Variants in RNASEH2B observed in about 807,000 individuals in gnomAD.
RNASEH2B encodes Aicardi-Goutieres syndrome 2 protein.
Under a neutral mutation model 45.0 loss-of-function variants are expected in RNASEH2B, and 36 were observed. The observed-to-expected ratio is 0.80, with a 90% CI of 0.61 to 1.06. The LOEUF is 1.06. Among genes scored for constraint, RNASEH2B ranks in the 50% least tolerant of loss-of-function variants. RNASEH2B has a pLI of 0.00. For synonymous variants in RNASEH2B, 119 were observed against 125.7 expected, an observed-to-expected ratio of 0.95 and a Z score of 0.35; for missense variants, 361 against 360.3, an observed-to-expected ratio of 1.00 and a Z score of -0.02.
At chr13:50,924,340 A>G (rs377722552) in intron 1 of RNASEH2B, among the ~76,000 whole-genome samples, 8 of 152,340 alleles carry the variant, frequency 5.3e-5, no homozygotes, top group African/African-American at 1.9e-4. Context: ...AAATAAATGA[A>G]TGGGAAAAGA....
At position 50,955,604 on chromosome 13, in the gene RNASEH2B, T is replaced by C. The variant is rs1377302691; in HGVS notation, c.823-754T>C. The C allele has an allele frequency of 3.3e-5, 5 of 152,260 alleles. No homozygotes were observed. In the East Asian group the frequency reaches 9.6e-4, roughly 29 times the overall value. The allele number at this position is 152,260 out of a possible 1,614,324, so 9.4% of individuals were successfully genotyped here. A position where few individuals can be genotyped will look rare whatever the true frequency, so the allele number is the denominator to read the frequency against. ...TATACTGTGCCTCTAAAAAATACTTTATCAATGACTTTGTCTTACAGTTCC... is the reference window on the plus strand; with the variant it reads ...TATACTGTGCCTCTAAAAAATACTTCATCAATGACTTTGTCTTACAGTTCC... On this transcript the variant is annotated intron_variant, in intron 10 of 10. Transcript: ENST00000336617.
At chr13:50,967,116 C>G (rs1172496913) in intron 9 of RNASEH2B, among the ~76,000 whole-genome samples, 5 of 152,124 alleles carry the variant, frequency 3.3e-5, no homozygotes, top group Admixed American at 2.6e-4. Flanking sequence ...TTCCCTCCAG[C>G]CGCTGGTGCT....
downstream of RNASEH2B, among the ~76,000 whole-genome samples, chr13:50,957,097 T>C (rs1404652501): frequency 6.6e-6 from 1 of 152,058 alleles, no homozygotes; most frequent in Non-Finnish European, 1.5e-5. Flanking sequence ...ACCTTTTTTT[T>C]TTTTCAACTT....
intron 10 of RNASEH2B, chr13:50,955,259 T>C (rs993697322): frequency 6.6e-6 from 1 of 152,232 alleles, no homozygotes; most frequent in African/African-American, 2.4e-5. Context: ...TTTAATGTTT[T>C]TTAGAACTGT....
chr13:50,929,706 G>A (rs1310386630), intron 3 of RNASEH2B, 124 bp downstream of exon 3: 1 of 703,580 alleles, frequency 1.4e-6, no homozygotes, highest in African/African-American at 1.8e-5. Flanking sequence ...GCCTTCCTTG[G>A]CATGAGAGCA....
intron 9 of RNASEH2B, 149 bp downstream of exon 9, chr13:50,949,654 C>CCTG: frequency 1.5e-6 from 1 of 677,324 alleles, no homozygotes; most frequent in Non-Finnish European, 2.5e-6. Context: ...TTGTACTGGG[C>CCTG]TCTCCATCAC....
chr13:50,962,449 A>G (rs575936177), intron 9 of RNASEH2B, among the ~76,000 whole-genome samples: 58 of 152,266 alleles, frequency 3.8e-4, no homozygotes, highest in African/African-American at 1.4e-3. Context: ...TATGTCTTTC[A>G]AGAAATGTAT....
At chr13:50,939,360 AG>A (rs1388631448) in intron 5 of RNASEH2B, among the ~76,000 whole-genome samples, 2 of 151,308 alleles carry the variant, frequency 1.3e-5, no homozygotes, top group Non-Finnish European at 2.9e-5. Flanking sequence ...CTGTTTCAAA[AG>A]AAAAAAAAAT....
intron 9 of RNASEH2B, among the ~76,000 whole-genome samples, chr13:50,966,792 G>A (rs184466115): frequency 6.6e-6 from 1 of 152,218 alleles, no homozygotes; most frequent in East Asian, 1.9e-4. Context: ...ACAAAGGCAA[G>A]CTCTAAGTGA....
chr13:50,944,016 G>GGGACGGGAC lies in RNASEH2B; in HGVS notation c.510+633_510+641dup, dbSNP rs1222453618. 3.3e-5 allele frequency among the ~76,000 whole-genome samples: 5 copies of GGGACGGGAC among 150,892 alleles called. No homozygotes were observed. The East Asian group carries it at 9.7e-4, about 29-fold the overall frequency. On this transcript the variant is annotated intron_variant, in intron 6 of 10. Coordinates refer to ENST00000336617, the MANE Select transcript of RNASEH2B (RefSeq NM_024570.4). ...GGGACGGGACAGGACGGGATGGGAT[G>GGGACGGGAC]GGACGGGACGGACGGGACGTGATGG...
intron 10 of RNASEH2B, 78 bp from the exon 11 acceptor site, chr13:50,956,280 G>A: frequency 8.5e-7 from 1 of 1,176,968 alleles, no homozygotes; most frequent in Non-Finnish European, 1.2e-6. Context: ...CTTGAGACAT[G>A]CAGTCTTCTT....
At chr13:50,932,942 C>T (rs910995349) in intron 4 of RNASEH2B, among the ~76,000 whole-genome samples, 1 of 152,216 alleles carries the variant, frequency 6.6e-6, no homozygotes, top group African/African-American at 2.4e-5. Context: ...CTCCGCCCTT[C>T]ACTGTGAATT....
At chr13:50,922,372 C>T (rs1463496877) in intron 1 of RNASEH2B, among the ~76,000 whole-genome samples, 1 of 152,102 alleles carries the variant, frequency 6.6e-6, no homozygotes, top group Non-Finnish European at 1.5e-5. Flanking sequence ...CTGAGAGGGC[C>T]TCAGTGTCTC....
intron 9 of RNASEH2B, chr13:50,950,974 C>A (rs1448256582): frequency 6.6e-6 from 1 of 152,240 alleles, no homozygotes; most frequent in Non-Finnish European, 1.5e-5. Context: ...AGCTACTCAA[C>A]TCTGCTGTTG....
chr13:50,931,280 A>G (rs1223272618), intron 4 of RNASEH2B, among the ~76,000 whole-genome samples: 2 of 152,218 alleles, frequency 1.3e-5, no homozygotes, highest in East Asian at 1.9e-4. Flanking sequence ...ACTAATAGTA[A>G]TAATTTTAGC....
chr13:50,920,402 G>A (rs1951509191), intron 1 of RNASEH2B, among the ~76,000 whole-genome samples: 1 of 152,174 alleles, frequency 6.6e-6, no homozygotes, highest in East Asian at 1.9e-4. Context: ...TGACCGGTGG[G>A]ATATACAATT....
Position 50,910,144 on chromosome 13 carries a change from AAC to A in RNASEH2B, c.64+7_64+8del, listed in dbSNP as rs1879267575. On this transcript the variant is annotated splice_donor_5th_base_variant and intron_variant, in intron 1 of 10. Transcript: ENST00000336617. ...CAGCACGTGTTCCTGGTTTCAGGTAAACACGCGCGCCCGGGCGGCGGGGTCGG... is the reference window on the plus strand; with the variant it reads ...CAGCACGTGTTCCTGGTTTCAGGTAAACGCGCGCCCGGGCGGCGGGGTCGG... 2.1e-6 allele frequency: 3 copies of A among 1,437,842 alleles called. No individual in the cohort carries two copies. The highest frequency in any genetic ancestry group is 1.5e-5 in the African/African-American group (1 of 67,016). 89.1% of individuals were successfully genotyped at this position (1,437,842 alleles called of 1,614,324 possible). A position where few individuals can be genotyped will look rare whatever the true frequency, so the allele number is the denominator to read the frequency against.
chr13:50,951,896 A>G (rs1414367927), intron 9 of RNASEH2B: 2 of 152,172 alleles, frequency 1.3e-5, no homozygotes, highest in African/African-American at 4.8e-5. Flanking sequence ...TGAGCTATTA[A>G]AACACCTGAA....
intron 8 of RNASEH2B, 175 bp from the exon 9 acceptor site, chr13:50,949,288 C>T (rs1183364711): frequency 8.2e-6 from 5 of 611,886 alleles, no homozygotes; most frequent in Non-Finnish European, 1.2e-5. Context: ...AAAATAAAGA[C>T]TCATTTATTG....
Sources: allele counts gnomAD v4.1 joint callset (sites outside exome capture counted in the v4.1 genomes callset), GRCh38; gene constraint gnomAD v4.1.1; transcripts MANE v1.5; gene names NCBI Gene and HGNC (gene_info 2026-07-23, HGNC 2026-07-21).